The following CHSY1 variants were observed in gnomAD, a reference collection of about 807,000 sequenced individuals.
CHSY1 encodes the protein chondroitin sulfate synthase 1, also known as N-acetylgalactosaminyl-proteoglycan 3-beta-glucuronosyltransferase 1.
In CHSY1, 13 loss-of-function variants were observed where a neutral mutation model predicts 59.8. That is an observed-to-expected ratio of 0.22 (90% CI 0.14 to 0.35). The LOEUF (loss-of-function observed/expected upper bound fraction) is 0.35, where lower values mean the gene tolerates loss of function less well. CHSY1 is among the 10% of genes least tolerant of loss of function. CHSY1 has a pLI of 1.00. For synonymous variants in CHSY1, 459 were observed against 401.2 expected, an observed-to-expected ratio of 1.14 and a Z score of -1.72; for missense variants, 947 against 1,030.6, an observed-to-expected ratio of 0.92 and a Z score of 1.11.
At position 101,196,265 on chromosome 15, in the gene CHSY1, A is replaced by T. The variant is rs546633323; in HGVS notation, c.817-17285T>A. On this transcript the variant is annotated intron_variant, in intron 2 of 2. Coordinates refer to ENST00000254190, the MANE Select transcript of CHSY1 (RefSeq NM_014918.5). ...AAAAAAACATATATGTAAAATAAGCATACCCTAACTAAACAATGTAATTCT... is the reference window on the plus strand; with the variant it reads ...AAAAAAACATATATGTAAAATAAGCTTACCCTAACTAAACAATGTAATTCT... Among the ~76,000 whole-genome samples, 4 of 152,026 alleles carry T rather than the reference A, an allele frequency of 2.6e-5. No individual in the cohort carries two copies. The East Asian group carries it at 7.7e-4, about 29-fold the overall frequency.
intron 2 of CHSY1, among the ~76,000 whole-genome samples, chr15:101,219,109 A>T (rs1470164964): frequency 6.6e-6 from 1 of 152,232 alleles, no homozygotes; most frequent in African/African-American, 2.4e-5. Context: ...ACGGAAGCAG[A>T]GGCTTAGAAG....
At chr15:101,192,917 A>C (rs1180817500) in intron 2 of CHSY1, among the ~76,000 whole-genome samples, 4 of 152,226 alleles carry the variant, frequency 2.6e-5, no homozygotes, top group African/African-American at 9.6e-5. Flanking sequence ...ATTTTAAAAA[A>C]TGCTTATTAC....
intron 1 of CHSY1, among the ~76,000 whole-genome samples, chr15:101,241,723 C>T (rs1014945239): frequency 1.3e-5 from 2 of 152,156 alleles, no homozygotes; most frequent in African/African-American, 4.8e-5. Context: ...ACACGGCAGT[C>T]AGTTTAAAAG....
In CHSY1 at chr15:101,178,488, G is replaced by A. The variant is rs577405433; in HGVS notation, c.1309C>T (p.Arg437Cys). 41 of 1,614,220 alleles carry A rather than the reference G, an allele frequency of 2.5e-5. No individual in the cohort carries two copies. Among genetic ancestry groups the A allele is most frequent in the Middle Eastern group, 1.6e-4 (1 of 6,062 alleles). The part of the protein sequence containing the change: ...IDFKEIQYGY[R>C]RVNPMYGAEY... ...GCCCCATACATGGGGTTCACCCGGC[G>A]GTAGCCGTACTGGATCTCTTTGAAG... The change falls in exon 3 of 3, where the codon CGC (arginine) becomes TGC (cysteine). Residue 437 changes from arginine to cysteine, a missense_variant. By Grantham distance (180) the Arg-to-Cys change is radical. This residue lies in a region of CHSY1 where 602 missense variants were observed against 676.9 expected (regional missense o/e 0.89). Transcript: ENST00000254190.
intron 2 of CHSY1, among the ~76,000 whole-genome samples, chr15:101,201,348 T>G (rs1375737437): frequency 6.6e-6 from 1 of 152,146 alleles, no homozygotes; most frequent in African/African-American, 2.4e-5. Flanking sequence ...TCCGTGAATA[T>G]CAACGTTAAG....
At chr15:101,203,509 T>C (rs1024922960) in intron 2 of CHSY1, among the ~76,000 whole-genome samples, 1 of 152,230 alleles carries the variant, frequency 6.6e-6, no homozygotes, top group Non-Finnish European at 1.5e-5. Context: ...ATCATGTGGA[T>C]GATTAACTCA....
At chr15:101,226,029 G>C (rs1233654916) in intron 2 of CHSY1, among the ~76,000 whole-genome samples, 1 of 152,138 alleles carries the variant, frequency 6.6e-6, no homozygotes, top group African/African-American at 2.4e-5. Context: ...GGTTTGTTTT[G>C]CCAACAAAAT....
rs752621824 is a variant in CHSY1 at position 101,178,315 on chromosome 15, G to A, written c.1482C>T (p.Ala494=). 6.8e-6 allele frequency: 11 copies of A among 1,608,726 alleles called. No individual in the cohort carries two copies. The East Asian group carries it at 2.2e-4, about 33-fold the overall frequency. The stretch of plus-strand genomic sequence containing the variant: ...ATCCAGATTCCTGATTGATTCTCTT[G>A]GCCAACTCTTGTGCATCCAGCTCCT... ...EHEELDAQEL[A]KRINQESGSL... The change falls in exon 3 of 3, where the codon GCC becomes GCT. Residue 494 remains alanine (A), a synonymous_variant. Transcript: ENST00000254190.
At chr15:101,243,864 C>T (rs1250660834) in intron 1 of CHSY1, among the ~76,000 whole-genome samples, 1 of 152,198 alleles carries the variant, frequency 6.6e-6, no homozygotes, top group Admixed American at 6.5e-5. Context: ...TGCCCAATTA[C>T]CTGCAGACAC....
At chr15:101,205,812 G>C (rs994951100) in intron 2 of CHSY1, among the ~76,000 whole-genome samples, 3 of 152,098 alleles carry the variant, frequency 2.0e-5, no homozygotes, top group Non-Finnish European at 4.4e-5. Flanking sequence ...TTAGCTGGGC[G>C]TGGTGGTGGG....
chr15:101,218,003 G>T (rs896650580), intron 2 of CHSY1, among the ~76,000 whole-genome samples: 1 of 152,210 alleles, frequency 6.6e-6, no homozygotes, highest in Non-Finnish European at 1.5e-5. Flanking sequence ...ACGTACCCTT[G>T]ATATGATGTG....
chr15:101,221,748 G>A (rs554283695), intron 2 of CHSY1, among the ~76,000 whole-genome samples: 51 of 152,244 alleles, frequency 3.3e-4, no homozygotes, highest in African/African-American at 7.7e-4. Flanking sequence ...TCCAGGAGAC[G>A]GCACAGACAT....
rs116257907 is a variant in CHSY1, at chr15:101,241,801, A to C, written c.321-6224T>G. ...ATGGGTTTTTCTCTCTGTAGAACTG[A>C]TGGATAATAGGAATTAAGGGTATAT... On this transcript the variant is annotated intron_variant, in intron 1 of 2. Transcript: ENST00000254190. 3.2e-3 allele frequency among the ~76,000 whole-genome samples: 485 copies of C among 152,312 alleles called. 1 individual carries two copies. The highest frequency in any genetic ancestry group is 0.011 in the African/African-American group (465 of 41,566).
At chr15:101,240,393 A>T (rs951259070) in intron 1 of CHSY1, among the ~76,000 whole-genome samples, 5 of 152,230 alleles carry the variant, frequency 3.3e-5, no homozygotes, top group Non-Finnish European at 7.3e-5. Flanking sequence ...TCATTTTCAT[A>T]AGCAAACGTC....
rs764615105 is a variant in CHSY1 at position 101,178,965 on chromosome 15, A to G, written c.832T>C (p.Tyr278His). The part of the protein sequence containing the change: ...VWSYEMQQLF[Y>H]ENYEQNKKGY... Reference sequence around the variant, plus strand: ...TTTTTGTTCTGCTCGTAATTCTCATAAAAAAGCTGCTGCATCTGTTACAGG... The same window carrying G: ...TTTTTGTTCTGCTCGTAATTCTCATGAAAAAGCTGCTGCATCTGTTACAGG... Residue 278 changes from tyrosine to histidine, a missense_variant, in exon 3 of 3, where the codon TAT becomes CAT. Physicochemically the swap from Tyr to His is moderately conservative, Grantham distance 83. Around this residue, in one of 4 missense-constraint regions of CHSY1, gnomAD observed 602 missense variants for 676.9 expected, o/e 0.89. Transcript: ENST00000254190. 32 of 1,613,972 alleles carry G rather than the reference A, an allele frequency of 2.0e-5. No homozygotes were observed. Among genetic ancestry groups the G allele is most frequent in the Non-Finnish European group, 2.6e-5 (31 of 1,179,946 alleles).
intron 2 of CHSY1, among the ~76,000 whole-genome samples, chr15:101,228,238 G>C (rs899711696): frequency 5.9e-5 from 9 of 151,938 alleles, no homozygotes; most frequent in African/African-American, 2.2e-4. Flanking sequence ...AAGAAAACAG[G>C]AGTAAAAATG....
intron 2 of CHSY1, among the ~76,000 whole-genome samples, chr15:101,225,001 G>A (rs1596448473): frequency 1.3e-5 from 2 of 152,226 alleles, no homozygotes; most frequent in East Asian, 3.8e-4. Flanking sequence ...CTTTACAGAA[G>A]GGCGTGGCCC....
chr15:101,229,655 C>T (rs1214234090), intron 2 of CHSY1, among the ~76,000 whole-genome samples: 1 of 152,216 alleles, frequency 6.6e-6, no homozygotes, highest in African/African-American at 2.4e-5. Flanking sequence ...ACTTGTGATC[C>T]CAGCATTTTG....
At chr15:101,190,157 A>G (rs1303182425) in intron 2 of CHSY1, among the ~76,000 whole-genome samples, 1 of 150,922 alleles carries the variant, frequency 6.6e-6, no homozygotes, top group Non-Finnish European at 1.5e-5. Context: ...CTTCACAGCT[A>G]CCTCACAAAG....
Sources: allele counts gnomAD v4.1 joint callset (sites outside exome capture counted in the v4.1 genomes callset), GRCh38; gene constraint gnomAD v4.1.1; regional missense constraint gnomAD v4.1.1; transcripts MANE v1.5; gene names NCBI Gene and HGNC (gene_info 2026-07-23, HGNC 2026-07-21).